The following NCEH1 variants were observed in gnomAD, a reference collection of about 807,000 sequenced individuals.
NCEH1 encodes the protein 2-acetyl MAGE hydrolase.
NCEH1 carries 9 observed loss-of-function variants against 25.4 expected under a neutral mutation model. The ratio of observed to expected loss-of-function variants is 0.35; its 90% CI spans 0.21 to 0.62. NCEH1 has a LOEUF of 0.62. Ranked by LOEUF, NCEH1 falls within the 20% of genes least tolerant of loss-of-function variation. NCEH1 has a pLI of 0.72. For synonymous variants in NCEH1, 200 were observed against 199.8 expected, an observed-to-expected ratio of 1.00 and a Z score of -0.01; for missense variants, 412 against 501.1, an observed-to-expected ratio of 0.82 and a Z score of 1.70.
At chr3:172,662,593 C>A (rs1718020191) in intron 1 of NCEH1, among the ~76,000 whole-genome samples, 1 of 152,072 alleles carries the variant, frequency 6.6e-6, no homozygotes, top group East Asian at 1.9e-4. Context: ...TCTGTCTGGC[C>A]CTGGAATTTT....
chr3:172,703,230 G>A (rs689235), intron 1 of NCEH1: 82,606 of 151,474 alleles, frequency 0.55, 24,534 homozygotes, highest in African/African-American at 0.8. Context: ...ATTTTCTTTA[G>A]AAAAGTAAAT....
intron 1 of NCEH1, among the ~76,000 whole-genome samples, chr3:172,689,338 A>C (rs1355689341): frequency 2.2e-5 from 3 of 137,344 alleles, no homozygotes; most frequent in Non-Finnish European, 3.0e-5. Context: ...AGCTCACCGC[A>C]ACCTCCGCCT....
chr3:172,654,443 G>A (rs1717598928), intron 1 of NCEH1, among the ~76,000 whole-genome samples: 1 of 152,198 alleles, frequency 6.6e-6, no homozygotes, highest in African/African-American at 2.4e-5. Context: ...GCGTAAAAAA[G>A]TGAGCCCAGC....
rs1716781366 is a variant in NCEH1, at chr3:172,640,122, G to A, written c.438-4035C>T. ...CCTTCTGCTGTGGAAGGGACGCCAAGTTCTCTTCATATAGTACTACTTAGG... is the reference window on the plus strand; with the variant it reads ...CCTTCTGCTGTGGAAGGGACGCCAAATTCTCTTCATATAGTACTACTTAGG... On this transcript the variant is annotated intron_variant, in intron 3 of 4. Transcript: ENST00000475381. Among the ~76,000 whole-genome samples the A allele has an allele frequency of 3.3e-5, 5 of 152,214 alleles. No individual in the cohort carries two copies. The South Asian group carries it at 8.3e-4, about 25-fold the overall frequency.
At chr3:172,665,616 CG>C (rs1324706958) in intron 1 of NCEH1, among the ~76,000 whole-genome samples, 1 of 152,140 alleles carries the variant, frequency 6.6e-6, no homozygotes, top group Non-Finnish European at 1.5e-5. Flanking sequence ...AGGCAGGCCT[CG>C]TTGAGCTGTG....
rs1248785080 is a variant in NCEH1 at position 172,711,057 on chromosome 3, T to C, written c.-73A>G. 1 of 1,608,990 alleles carries C rather than the reference T, an allele frequency of 6.2e-7. No individual in the cohort carries two copies. The highest frequency in any genetic ancestry group is 1.7e-5 in the Admixed American group (1 of 59,922). ...ATACCACCCGGAGACCTCCGGCAAC[T>C]TTCTGCCCGCGGCAGCTGCTCATTC... On this transcript the variant is annotated 5_prime_UTR_variant, in exon 1 of 5. Coordinates refer to ENST00000475381, the MANE Select transcript of NCEH1 (RefSeq NM_020792.6).
intron 1 of NCEH1, among the ~76,000 whole-genome samples, chr3:172,688,058 T>C (rs1424432541): frequency 6.7e-6 from 1 of 149,836 alleles, no homozygotes; most frequent in African/African-American, 2.5e-5. Flanking sequence ...ATGGAGGCCG[T>C]GCACAGTGGC....
intron 1 of NCEH1, among the ~76,000 whole-genome samples, chr3:172,652,312 A>G (rs992001358): frequency 6.6e-6 from 1 of 152,242 alleles, no homozygotes; most frequent in African/African-American, 2.4e-5. Flanking sequence ...TCCACAGCCC[A>G]TTATATGTAC....
At chr3:172,635,292 A>T (rs1716547865) in intron 4 of NCEH1, among the ~76,000 whole-genome samples, 1 of 152,248 alleles carries the variant, frequency 6.6e-6, no homozygotes, top group African/African-American at 2.4e-5. Context: ...ACCAAATGAA[A>T]TTTGGAGGTG....
intron 2 of NCEH1, among the ~76,000 whole-genome samples, chr3:172,647,253 G>A (rs574150174): frequency 7.2e-5 from 11 of 152,300 alleles, no homozygotes; most frequent in Admixed American, 4.6e-4. Context: ...CCCGAATTCC[G>A]CCTTGGGAGG....
chr3:172,637,363 T>C (rs1716640667), intron 3 of NCEH1, among the ~76,000 whole-genome samples: 1 of 152,246 alleles, frequency 6.6e-6, no homozygotes, highest in Non-Finnish European at 1.5e-5. Flanking sequence ...GACTCAAGAC[T>C]TTTGATTTCC....
intron 4 of NCEH1, 50 bp downstream of exon 4, chr3:172,635,866 C>G: frequency 6.4e-7 from 1 of 1,566,492 alleles, no homozygotes; most frequent in Non-Finnish European, 8.7e-7. Context: ...GTCTGCTAGA[C>G]CTTGTCATGC....
chr3:172,683,271 C>T (rs1199108218), intron 1 of NCEH1, among the ~76,000 whole-genome samples: 1 of 118,368 alleles, frequency 8.4e-6, no homozygotes, highest in Admixed American at 7.9e-5. Flanking sequence ...GGCGTAGTGG[C>T]GGGCGCCTGT....
At chr3:172,642,603 CAAAA>C (rs66551744) in intron 3 of NCEH1, among the ~76,000 whole-genome samples, 2 of 83,912 alleles carry the variant, frequency 2.4e-5, no homozygotes, top group African/African-American at 9.8e-5. Context: ...GCTATTTCTA[CAAAA>C]AAAAAAAAAA....
At chr3:172,701,616 G>GTTTT (rs60219751) in intron 1 of NCEH1, among the ~76,000 whole-genome samples, 16 of 110,724 alleles carry the variant, frequency 1.4e-4, no homozygotes, top group African/African-American at 3.7e-4. Context: ...TGCCCAGCTA[G>GTTTT]TTTTTTTTTT....
At chr3:172,655,910 G>C (rs963591713) in intron 1 of NCEH1, among the ~76,000 whole-genome samples, 3 of 152,120 alleles carry the variant, frequency 2.0e-5, no homozygotes, top group Admixed American at 6.5e-5. Context: ...AGACAAAAAA[G>C]AACAAGAGAG....
chr3:172,630,720 C>T lies in NCEH1; in HGVS notation c.*2755G>A, dbSNP rs1218319613. The T allele has an allele frequency of 6.6e-6, 1 of 152,198 alleles. No homozygotes were observed. The highest frequency in any genetic ancestry group is 1.5e-5 in the Non-Finnish European group (1 of 68,026). 9.4% of individuals were successfully genotyped at this position (152,198 alleles called of 1,614,324 possible). A position where few individuals can be genotyped will look rare whatever the true frequency, so the allele number is the denominator to read the frequency against. On this transcript the variant is annotated 3_prime_UTR_variant, in exon 5 of 5. Transcript: ENST00000475381. Reference sequence around the variant, plus strand: ...ATAGATAGATGCTTTGCTACCTCCACACTGGATTTTCACTTTATAAAATAT... The same window carrying T: ...ATAGATAGATGCTTTGCTACCTCCATACTGGATTTTCACTTTATAAAATAT...
At chr3:172,679,207 C>CT (rs1488791014) in intron 1 of NCEH1, among the ~76,000 whole-genome samples, 1 of 152,176 alleles carries the variant, frequency 6.6e-6, no homozygotes, top group Non-Finnish European at 1.5e-5. Flanking sequence ...AGAGGGACAG[C>CT]TATGACCTAA....
chr3:172,694,859 TG>T (rs1440170309), intron 1 of NCEH1, among the ~76,000 whole-genome samples: 3 of 152,224 alleles, frequency 2.0e-5, no homozygotes, highest in Non-Finnish European at 2.9e-5. Context: ...GGGGATTTCA[TG>T]GATTTCCAGG....
Sources: gnomAD v4.1 joint callset for allele counts (sites outside exome capture counted in the v4.1 genomes callset) on GRCh38, gnomAD v4.1.1 for gene constraint, MANE v1.5 for transcripts, NCBI Gene and HGNC (gene_info 2026-07-23, HGNC 2026-07-21) for gene names.